The following RARB variants were observed in gnomAD, a reference collection of about 807,000 sequenced individuals.
RARB encodes the protein retinoic acid receptor beta, also known as HBV-activated protein.
Under a neutral mutation model 51.9 loss-of-function variants are expected in RARB, and 17 were observed. The observed-to-expected ratio is 0.33, with a 90% confidence interval of 0.22 to 0.49. RARB has a LOEUF of 0.49. RARB is among the 20% of genes least tolerant of loss of function. RARB has a pLI of 0.99. For synonymous variants in RARB, 215 were observed against 195.4 expected, an observed-to-expected ratio of 1.10 and a Z score of -0.84; for missense variants, 369 against 550.8, an observed-to-expected ratio of 0.67 and a Z score of 3.30.
At chr3:25,233,892 G>T (rs1300247153) in intron 5 of RARB, among the ~76,000 whole-genome samples, 2 of 150,780 alleles carry the variant, frequency 1.3e-5, no homozygotes, top group African/African-American at 4.9e-5. Context: ...ATTGATTTTT[G>T]AATGTTGAGC....
At chr3:24,906,600 T>A (rs1263594522) in intron 2 of RARB, among the ~76,000 whole-genome samples, 1 of 152,042 alleles carries the variant, frequency 6.6e-6, no homozygotes, top group Non-Finnish European at 1.5e-5. Context: ...CCCAGCACTT[T>A]GGGAGGTTGA....
At chr3:25,125,566 T>C (rs1252773200) in intron 3 of RARB, among the ~76,000 whole-genome samples, 1 of 152,182 alleles carries the variant, frequency 6.6e-6, no homozygotes, top group Non-Finnish European at 1.5e-5. Flanking sequence ...ATTTAAACAG[T>C]ATTGCTGGAT....
At chr3:24,886,041 A>G (rs1703259778) in intron 2 of RARB, among the ~76,000 whole-genome samples, 2 of 152,150 alleles carry the variant, frequency 1.3e-5, no homozygotes, top group Non-Finnish European at 2.9e-5. Flanking sequence ...AGCTCAGCCC[A>G]TATACTAGGG....
chr3:25,050,321 C>T (rs895420378), intron 2 of RARB, among the ~76,000 whole-genome samples: 1 of 152,098 alleles, frequency 6.6e-6, no homozygotes, highest in East Asian at 1.9e-4. Context: ...ACTGCATCAC[C>T]TTATGACCAA....
At chr3:25,250,379 G>T (rs928420208) in intron 5 of RARB, among the ~76,000 whole-genome samples, 2 of 152,194 alleles carry the variant, frequency 1.3e-5, no homozygotes, top group African/African-American at 4.8e-5. Context: ...ATGCTTGGGT[G>T]GGGGCAGCAG....
intron 2 of RARB, among the ~76,000 whole-genome samples, chr3:24,876,889 C>T (rs1056852712): frequency 3.9e-5 from 6 of 152,074 alleles, no homozygotes; most frequent in African/African-American, 1.4e-4. Flanking sequence ...CAGGCATAAA[C>T]ATACTCAGAA....
chr3:25,436,281 T>C (rs2125522384), intron 1 of RARB, among the ~76,000 whole-genome samples: 1 of 152,340 alleles, frequency 6.6e-6, no homozygotes, highest in East Asian at 1.9e-4. Flanking sequence ...CCATTTCACA[T>C]GATTCATCCG....
rs139904820 is a variant in RARB at position 25,392,363 on chromosome 3, G to C, written c.179-68830G>C. 2.8e-3 allele frequency among the ~76,000 whole-genome samples: 418 copies of C among 148,044 alleles called. 4 individuals are homozygous for C. The highest frequency in any genetic ancestry group is 9.5e-3 in the African/African-American group (391 of 40,964). ...GTTGTTTTTGCTTCATCTGGCTTTG[G>C]CTATGTGGGCTTTTTTTTTGGTTCC... On this transcript the variant is annotated intron_variant, in intron 5 of 11. Transcript: ENST00000383772.
intron 5 of RARB, among the ~76,000 whole-genome samples, chr3:25,223,588 T>A (rs2125386015): frequency 6.6e-6 from 1 of 152,334 alleles, no homozygotes. Context: ...GCCCAGTACC[T>A]GCACTTACTA....
intron 2 of RARB, among the ~76,000 whole-genome samples, chr3:24,891,058 C>T (rs561504970): frequency 4.6e-5 from 7 of 152,246 alleles, no homozygotes; most frequent in Non-Finnish European, 7.4e-5. Flanking sequence ...AAGCTCAGTG[C>T]GTTTCAGTCT....
intron 5 of RARB, among the ~76,000 whole-genome samples, chr3:25,587,927 A>G (rs995695743): frequency 5.9e-5 from 9 of 152,350 alleles, no homozygotes; most frequent in South Asian, 2.1e-4. Context: ...TGAGGTTTAC[A>G]AGATAGAAGA....
At chr3:25,337,543 A>T (rs1705099245) in intron 5 of RARB, among the ~76,000 whole-genome samples, 2 of 152,160 alleles carry the variant, frequency 1.3e-5, no homozygotes, top group South Asian at 4.1e-4. Context: ...ATGCATCGAC[A>T]TCATTCCCAT....
chr3:25,209,255 G>A (rs1575221895), intron 5 of RARB, among the ~76,000 whole-genome samples: 1 of 152,174 alleles, frequency 6.6e-6, no homozygotes. Context: ...TGGGACCAGA[G>A]GAAGTTACTC....
intron 2 of RARB, among the ~76,000 whole-genome samples, chr3:24,981,621 G>A (rs1390322862): frequency 6.6e-6 from 1 of 152,152 alleles, no homozygotes; most frequent in Non-Finnish European, 1.5e-5. Context: ...GTGGTCTGCT[G>A]GTTGTGAAGA....
Position 25,595,301 on chromosome 3 carries a change from TC to T in RARB, c.1150+624del, listed in dbSNP as rs574915241. ...ATCCCTGGTACCAAATGGGCTATTG[TC>T]ATTCTCCTTTCCCCATCAGACTACT... On this transcript the variant is annotated intron_variant, in intron 7 of 7. Coordinates refer to ENST00000330688, the MANE Select transcript of RARB (RefSeq NM_000965.5). Among the ~76,000 whole-genome samples, 219 of 152,296 alleles carry T rather than the reference TC, an allele frequency of 1.4e-3. 3 individuals are homozygous for T. The highest frequency in any genetic ancestry group is 5.0e-3 in the African/African-American group (208 of 41,540).
chr3:25,084,962 G>A (rs554307140), intron 3 of RARB, among the ~76,000 whole-genome samples: 5 of 152,178 alleles, frequency 3.3e-5, no homozygotes, highest in African/African-American at 1.2e-4. Flanking sequence ...TATGCAATGA[G>A]CATGACAGAC....
intron 3 of RARB, among the ~76,000 whole-genome samples, chr3:25,515,902 G>A (rs1054333685): frequency 5.3e-5 from 8 of 152,246 alleles, no homozygotes; most frequent in African/African-American, 1.9e-4. Context: ...GTAGTGGAAC[G>A]GCCATTTCTT....
At chr3:25,547,826 C>T (rs553324540) in intron 3 of RARB, among the ~76,000 whole-genome samples, 250 of 152,264 alleles carry the variant, frequency 1.6e-3, no homozygotes, top group African/African-American at 4.6e-3. Context: ...TAAATTAAGA[C>T]AAAGTCATTG....
chr3:25,241,390 G>T (rs1461235023), intron 5 of RARB, among the ~76,000 whole-genome samples: 3 of 152,070 alleles, frequency 2.0e-5, no homozygotes, highest in Non-Finnish European at 4.4e-5. Flanking sequence ...GGTATACATG[G>T]AACCATGTTG....
Sources: allele counts gnomAD v4.1 joint callset (sites outside exome capture counted in the v4.1 genomes callset), GRCh38; gene constraint gnomAD v4.1.1; transcripts MANE v1.5; gene names NCBI Gene and HGNC (gene_info 2026-07-23, HGNC 2026-07-21).